Variants in CERS3 observed in about 807,000 individuals in gnomAD.
CERS3 encodes the protein ceramide synthase 3, also known as LAG1 homolog, ceramide synthase 3.
A neutral mutation model predicts 50.3 loss-of-function variants in CERS3; 33 were observed. The ratio of observed to expected loss-of-function variants is 0.66; its 90% CI spans 0.50 to 0.88. The LOEUF (loss-of-function observed/expected upper bound fraction) is 0.88, where lower values mean the gene tolerates loss of function less well. Among genes scored for constraint, CERS3 ranks in the 40% least tolerant of loss-of-function variants. The pLI, the probability that CERS3 is intolerant of heterozygous loss-of-function variation, is 0.00. For synonymous variants in CERS3, 176 were observed against 155.2 expected, an observed-to-expected ratio of 1.13 and a Z score of -0.99; for missense variants, 470 against 460.3, an observed-to-expected ratio of 1.02 and a Z score of -0.19.
intron 2 of CERS3, among the ~76,000 whole-genome samples, chr15:100,504,700 A>G (rs2036123207): frequency 1.3e-5 from 2 of 152,184 alleles, no homozygotes; most frequent in African/African-American, 4.8e-5. Context: ...CAGAAAGGAC[A>G]GGGGTGAAGG....
rs547015224 is a variant in CERS3, at chr15:100,472,945, A to G, written c.717T>C (p.Asp239=). 3.7e-6 allele frequency: 6 copies of G among 1,614,060 alleles called. No homozygotes were observed. Among genetic ancestry groups the G allele is most frequent in the Admixed American group, 3.3e-5 (2 of 60,014 alleles). The change falls in exon 9 of 12, where the codon GAT becomes GAC. Residue 239 remains aspartate, a synonymous_variant. Coordinates refer to ENST00000679737, the MANE Select transcript of CERS3 (RefSeq NM_001378789.1). ...TTACCTCCAGCCAAATGTCAGCCAC[A>G]TCGTGTACAATCATCACGAGGGTCC... ...RSGTLVMIVH[D]VADIWLESAK...
chr15:100,442,696 T>C (rs2033732125), intron 11 of CERS3, among the ~76,000 whole-genome samples: 1 of 152,174 alleles, frequency 6.6e-6, no homozygotes, highest in African/African-American at 2.4e-5. Context: ...CCAGAGCCCC[T>C]GGAACTCCGG....
intron 3 of CERS3, among the ~76,000 whole-genome samples, chr15:100,492,762 TTTTG>T (rs1421777849): frequency 3.3e-5 from 5 of 152,194 alleles, no homozygotes; most frequent in Non-Finnish European, 5.9e-5. Flanking sequence ...TCTTATGCCC[TTTTG>T]TTTATTTGTC....
chr15:100,443,809 C>T (rs1000480953), intron 11 of CERS3, among the ~76,000 whole-genome samples: 1 of 152,118 alleles, frequency 6.6e-6, no homozygotes, highest in African/African-American at 2.4e-5. Context: ...TACAAAACAA[C>T]AACTCCTTTC....
At chr15:100,492,732 T>G (rs1269938334) in intron 3 of CERS3, among the ~76,000 whole-genome samples, 1 of 152,206 alleles carries the variant, frequency 6.6e-6, no homozygotes, top group Non-Finnish European at 1.5e-5. Context: ...TCTGCCATTT[T>G]GCTATTTGTT....
At chr15:100,490,254 C>A (rs1026918473) in intron 4 of CERS3, among the ~76,000 whole-genome samples, 1 of 152,060 alleles carries the variant, frequency 6.6e-6, no homozygotes. Context: ...TGCACTACAA[C>A]ATAAATGAAG....
At chr15:100,458,219 C>G (rs892077356) in intron 10 of CERS3, among the ~76,000 whole-genome samples, 2 of 152,096 alleles carry the variant, frequency 1.3e-5, no homozygotes, top group African/African-American at 4.8e-5. Context: ...TTTGCAAGGC[C>G]TTAACATTTC....
chr15:100,403,984 A>G (rs1311358012), intron 11 of CERS3, among the ~76,000 whole-genome samples: 1 of 152,232 alleles, frequency 6.6e-6, no homozygotes, highest in Non-Finnish European at 1.5e-5. Context: ...TGGGCCCTCT[A>G]TGGCATCACA....
chr15:100,540,193 T>C (rs1449591576), intron 1 of CERS3, among the ~76,000 whole-genome samples: 1 of 152,228 alleles, frequency 6.6e-6, no homozygotes, highest in East Asian at 1.9e-4. Flanking sequence ...AGGCCCCATC[T>C]GTGATCCCTT....
intron 1 of CERS3, among the ~76,000 whole-genome samples, chr15:100,527,833 G>C (rs2036838728): frequency 6.6e-6 from 1 of 152,150 alleles, no homozygotes; most frequent in African/African-American, 2.4e-5. Context: ...GTGAATGAGA[G>C]GGCCACATAA....
intron 11 of CERS3, among the ~76,000 whole-genome samples, chr15:100,430,578 T>C (rs1596647008): frequency 2.0e-5 from 3 of 152,312 alleles, no homozygotes; most frequent in African/African-American, 4.8e-5. Context: ...GCCCAGAAGA[T>C]TGTGAATTAC....
intron 10 of CERS3, among the ~76,000 whole-genome samples, chr15:100,460,554 C>A (rs112225825): frequency 6.6e-6 from 1 of 152,294 alleles, no homozygotes; most frequent in Non-Finnish European, 1.5e-5. Context: ...TTCAACTGAA[C>A]CCCTTTCCAT....
At chr15:100,496,036 G>A (rs903163881) in intron 3 of CERS3, among the ~76,000 whole-genome samples, 2 of 152,142 alleles carry the variant, frequency 1.3e-5, no homozygotes, top group African/African-American at 4.8e-5. Context: ...GTGGTCACTT[G>A]TGTCTGGCTT....
chr15:100,484,276 C>G (rs1473192902), intron 5 of CERS3, among the ~76,000 whole-genome samples: 4 of 152,144 alleles, frequency 2.6e-5, no homozygotes, highest in African/African-American at 9.7e-5. Context: ...CATAACATCT[C>G]CTGTTCATCT....
intron 10 of CERS3, among the ~76,000 whole-genome samples, chr15:100,469,173 C>T (rs987640468): frequency 6.6e-6 from 1 of 152,212 alleles, no homozygotes; most frequent in Non-Finnish European, 1.5e-5. Flanking sequence ...TTTTCCATCT[C>T]CCGTTGTAAT....
rs192475882 is a variant in CERS3, at chr15:100,423,509, A to T, written c.1000-20644T>A. Among the ~76,000 whole-genome samples the T allele has an allele frequency of 1.2e-4, 18 of 152,320 alleles. 1 individual carries two copies. The East Asian group carries it at 3.5e-3, about 29-fold the overall frequency. On this transcript the variant is annotated intron_variant, in intron 11 of 11. Coordinates refer to ENST00000679737, the MANE Select transcript of CERS3 (RefSeq NM_001378789.1). Reference sequence around the variant, plus strand: ...TGGAGGCCATTATCCCAAGTAAATTAATGCAGGAGCAGAAAACCAAGTACT... The same window carrying T: ...TGGAGGCCATTATCCCAAGTAAATTTATGCAGGAGCAGAAAACCAAGTACT...
At chr15:100,430,980 A>G (rs1366502782) in intron 11 of CERS3, among the ~76,000 whole-genome samples, 1 of 152,094 alleles carries the variant, frequency 6.6e-6, no homozygotes, top group African/African-American at 2.4e-5. Context: ...CTCGCAAATC[A>G]CCTAGGGTTC....
intron 11 of CERS3, among the ~76,000 whole-genome samples, chr15:100,428,727 A>G (rs531929146): frequency 2.6e-4 from 39 of 152,370 alleles, no homozygotes; most frequent in African/African-American, 8.9e-4. Context: ...CTTACAATCT[A>G]TTGAAAGAAC....
intron 9 of CERS3, among the ~76,000 whole-genome samples, chr15:100,471,003 A>G (rs184163796): frequency 7.9e-4 from 120 of 152,318 alleles, no homozygotes; most frequent in Non-Finnish European, 1.5e-3. Context: ...CACACTATTC[A>G]AGTAAGCCAT....
Sources: allele counts gnomAD v4.1 joint callset (sites outside exome capture counted in the v4.1 genomes callset), GRCh38; gene constraint gnomAD v4.1.1; transcripts MANE v1.5; gene names NCBI Gene and HGNC (gene_info 2026-07-23, HGNC 2026-07-21).